Variants in ADGRL2 observed in about 807,000 individuals in gnomAD.
ADGRL2 encodes the protein adhesion G protein-coupled receptor L2, also known as calcium-independent alpha-latrotoxin receptor 2.
A neutral mutation model predicts 157.4 loss-of-function variants in ADGRL2; 44 were observed. The ratio of observed to expected loss-of-function variants is 0.28; its 90% CI spans 0.22 to 0.36. ADGRL2 has a LOEUF of 0.36. Ranked by LOEUF, ADGRL2 falls within the 10% of genes least tolerant of loss-of-function variation. ADGRL2 has a pLI of 1.00. For synonymous variants in ADGRL2, 585 were observed against 624.7 expected (o/e 0.94, Z 0.95); for missense variants, 1,510 against 1,768.9 (o/e 0.85, Z 2.63).
At chr1:81,580,521 G>C (rs1026297431) in intron 2 of ADGRL2, among the ~76,000 whole-genome samples, 11 of 151,976 alleles carry the variant, frequency 7.2e-5, no homozygotes, top group Non-Finnish European at 1.5e-5. Flanking sequence ...AAGCCAAGGG[G>C]GATGTGGGTA....
At chr1:81,662,585 C>T (rs1342519464) in intron 3 of ADGRL2, among the ~76,000 whole-genome samples, 1 of 148,890 alleles carries the variant, frequency 6.7e-6, no homozygotes, top group Admixed American at 6.7e-5. Context: ...GACAGAGTCT[C>T]GCTCTGTCGC....
intron 2 of ADGRL2, among the ~76,000 whole-genome samples, chr1:81,846,761 A>G (rs2092806305): frequency 6.6e-6 from 1 of 151,952 alleles, no homozygotes; most frequent in African/African-American, 2.4e-5. Flanking sequence ...ATGAAGTTCA[A>G]GCTTTGGTTA....
chr1:81,392,848 T>A (rs147596444), intron 1 of ADGRL2, among the ~76,000 whole-genome samples: 341 of 152,198 alleles, frequency 2.2e-3, no homozygotes, highest in African/African-American at 7.9e-3. Flanking sequence ...AGTTACAAAA[T>A]CTCCTGCAAA....
chr1:81,503,286 C>T, intron 2 of ADGRL2: 5 of 1,614,186 alleles, frequency 3.1e-6, no homozygotes, highest in South Asian at 2.2e-5. Flanking sequence ...CTGTGGACAT[C>T]GATGGCACCA....
intron 3 of ADGRL2, among the ~76,000 whole-genome samples, chr1:81,622,117 T>G (rs973894793): frequency 6.6e-6 from 1 of 152,186 alleles, no homozygotes; most frequent in African/African-American, 2.4e-5. Flanking sequence ...ATGATAACTT[T>G]TTTTCTCATC....
rs548194895 is a variant in ADGRL2 at position 81,793,492 on chromosome 1, G to A, written c.-101+31640G>A. 6.6e-5 allele frequency among the ~76,000 whole-genome samples: 10 copies of A among 152,214 alleles called. No individual in the cohort carries two copies. The South Asian group carries it at 1.9e-3, about 28-fold the overall frequency. On this transcript the variant is annotated intron_variant, in intron 2 of 20. Transcript: ENST00000359929. ...ACACATCTGTTTCAGTTTTGTAGAA[G>A]TTAATAATCTAACTTCAGAGTATTT...
At chr1:81,841,501 G>A (rs2092578265) in intron 2 of ADGRL2, among the ~76,000 whole-genome samples, 2 of 152,096 alleles carry the variant, frequency 1.3e-5, no homozygotes, top group South Asian at 2.1e-4. Flanking sequence ...CCTTCAGAAT[G>A]GTCTGAATTT....
At chr1:81,540,150 A>T (rs1382848093) in intron 2 of ADGRL2, among the ~76,000 whole-genome samples, 1 of 152,190 alleles carries the variant, frequency 6.6e-6, no homozygotes, top group African/African-American at 2.4e-5. Flanking sequence ...TAATTTTCCA[A>T]TTCCAGAGTA....
intron 2 of ADGRL2, among the ~76,000 whole-genome samples, chr1:81,855,119 C>T (rs934540397): frequency 6.6e-6 from 1 of 151,954 alleles, no homozygotes; most frequent in Non-Finnish European, 1.5e-5. Context: ...AGAAATGATA[C>T]AAAACTGGAA....
intron 1 of ADGRL2, among the ~76,000 whole-genome samples, chr1:81,430,770 G>T (rs533700639): frequency 1.3e-5 from 2 of 152,240 alleles, no homozygotes; most frequent in South Asian, 2.1e-4. Flanking sequence ...ACTGATTCAT[G>T]AAATACAAAC....
chr1:81,583,403 GT>G lies in ADGRL2; in HGVS notation c.-143+2432del, dbSNP rs368504440. On this transcript the variant is annotated intron_variant, in intron 3 of 24. Transcript: ENST00000370721. The stretch of plus-strand genomic sequence containing the variant: ...GTACAATGAATAAAAGTTGTTTGTT[GT>G]TTTTTTTTCTTTGTGAAGCAATATT... Among the ~76,000 whole-genome samples, 15 of 150,396 alleles carry G rather than the reference GT, an allele frequency of 1.0e-4. No homozygotes were observed. In the East Asian group the frequency reaches 2.0e-3, roughly 20 times the overall value.
chr1:81,342,550 T>A (rs1219207233), intron 1 of ADGRL2, among the ~76,000 whole-genome samples: 2 of 152,172 alleles, frequency 1.3e-5, no homozygotes, highest in African/African-American at 4.8e-5. Context: ...GGCAATTTAG[T>A]CATAATTTTA....
At chr1:81,488,465 C>G (rs955946113) in intron 2 of ADGRL2, among the ~76,000 whole-genome samples, 1 of 151,440 alleles carries the variant, frequency 6.6e-6, no homozygotes. Flanking sequence ...TTTGAGAGAC[C>G]GAGGCATGCA....
At chr1:81,410,246 T>C (rs2076924852) in intron 1 of ADGRL2, among the ~76,000 whole-genome samples, 1 of 152,242 alleles carries the variant, frequency 6.6e-6, no homozygotes, top group Non-Finnish European at 1.5e-5. Flanking sequence ...TGATTTGCTA[T>C]CTACCTTTAA....
At chr1:81,629,667 ATGTGTGTGTGTGTG>A (rs60497907) in intron 3 of ADGRL2, among the ~76,000 whole-genome samples, 35 of 149,282 alleles carry the variant, frequency 2.3e-4, no homozygotes, top group Admixed American at 8.0e-4. Flanking sequence ...ATGAATGTAT[ATGTGTGTGTGTGTG>A]TGTGTGTGTG....
At chr1:81,375,864 T>C (rs913530580) in intron 1 of ADGRL2, among the ~76,000 whole-genome samples, 18 of 152,198 alleles carry the variant, frequency 1.2e-4, no homozygotes, top group Non-Finnish European at 1.5e-5. Flanking sequence ...ATTTTTTTTT[T>C]TCAAAATGCT....
intron 1 of ADGRL2, among the ~76,000 whole-genome samples, chr1:81,727,382 A>C (rs2084567282): frequency 6.6e-6 from 1 of 152,204 alleles, no homozygotes; most frequent in South Asian, 2.1e-4. Context: ...TATGTATATT[A>C]GTACTTATAT....
At position 81,424,204 on chromosome 1, in the gene ADGRL2, T is replaced by C. The variant is rs540604355; in HGVS notation, c.-301-20832T>C. ...TCAGAGAGCATCCCAGAAAGGATGA[T>C]GCATCACTCTGCAACTGCCATCTGT... is the stretch of plus-strand genomic sequence containing the variant. On this transcript the variant is annotated intron_variant, in intron 1 of 24. Transcript: ENST00000370721. Among the ~76,000 whole-genome samples the C allele has an allele frequency of 2.6e-5, 4 of 152,234 alleles. No individual in the cohort carries two copies. The East Asian group carries it at 7.9e-4, about 30-fold the overall frequency.
At chr1:81,522,746 C>A (rs544413919) in intron 2 of ADGRL2, among the ~76,000 whole-genome samples, 1 of 151,892 alleles carries the variant, frequency 6.6e-6, no homozygotes, top group African/African-American at 2.4e-5. Context: ...GATAAAAATC[C>A]GTATTTTATC....
Sources: gnomAD v4.1 joint callset for allele counts (sites outside exome capture counted in the v4.1 genomes callset) on GRCh38, gnomAD v4.1.1 for gene constraint, MANE v1.5 for transcripts, NCBI Gene and HGNC (gene_info 2026-07-23, HGNC 2026-07-21) for gene names.